IMPG2: variants seen among roughly 807,000 people sequenced by gnomAD.
IMPG2 encodes the protein interphotoreceptor matrix proteoglycan 2, also known as IPM 200.
Under a neutral mutation model 129.2 loss-of-function variants are expected in IMPG2, and 91 were observed. The ratio of observed to expected loss-of-function variants is 0.70; its 90% CI spans 0.59 to 0.84. The LOEUF is 0.84. Among genes scored for constraint, IMPG2 ranks in the 40% least tolerant of loss-of-function variants. IMPG2 has a pLI of 0.00. For synonymous variants in IMPG2, 510 were observed against 517.7 expected (o/e 0.99, Z 0.20); for missense variants, 1,430 against 1,461.7 (o/e 0.98, Z 0.35).
chr3:101,244,846 C>G, intron 12 of IMPG2, 59 bp from the exon 13 acceptor site: 1 of 1,448,146 alleles, frequency 6.9e-7, no homozygotes. Context: ...ATTCCTAGTT[C>G]TCCTAATAAA....
At position 101,229,700 on chromosome 3, in the gene IMPG2, C is replaced by A. The variant is rs780452585; in HGVS notation, c.3423-110G>T. Reference sequence around the variant, plus strand: ...TGAAGAAAAACAGGTGCACTTTACACAAATGGTGGGACATAACTGTGAAAA... The same window carrying A: ...TGAAGAAAAACAGGTGCACTTTACAAAAATGGTGGGACATAACTGTGAAAA... On this transcript the variant is annotated intron_variant, in intron 16 of 18. Coordinates refer to ENST00000193391, the MANE Select transcript of IMPG2 (RefSeq NM_016247.4). The A allele has an allele frequency of 7.7e-6, 7 of 904,264 alleles. No individual in the cohort carries two copies. In the East Asian group the frequency reaches 1.6e-4, roughly 20 times the overall value. 56.0% of individuals were successfully genotyped at this position (904,264 alleles called of 1,614,324 possible).
intron 4 of IMPG2, among the ~76,000 whole-genome samples, chr3:101,281,282 C>T (rs985404866): frequency 2.0e-5 from 3 of 151,962 alleles, no homozygotes; most frequent in African/African-American, 4.8e-5. Flanking sequence ...GAGATAAATG[C>T]GGGCTGTTTT....
chr3:101,233,558 C>T (rs1706314152), intron 14 of IMPG2, among the ~76,000 whole-genome samples: 1 of 152,118 alleles, frequency 6.6e-6, no homozygotes, highest in Admixed American at 6.5e-5. Context: ...ATAAGTCAGC[C>T]CTGCACTTCC....
intron 14 of IMPG2, among the ~76,000 whole-genome samples, chr3:101,234,201 T>G (rs1277991405): frequency 6.7e-6 from 1 of 149,440 alleles, no homozygotes; most frequent in African/African-American, 2.5e-5. Context: ...CCTAATGCAA[T>G]GATTGGTGTC....
chr3:101,299,385 A>G (rs1217356964), intron 3 of IMPG2, among the ~76,000 whole-genome samples: 1 of 152,178 alleles, frequency 6.6e-6, no homozygotes, highest in African/African-American at 2.4e-5. Flanking sequence ...TCTGAAGCCT[A>G]CTTCTGTCAA....
chr3:101,314,904 T>C (rs1354736397), intron 2 of IMPG2, among the ~76,000 whole-genome samples: 2 of 152,070 alleles, frequency 1.3e-5, no homozygotes, highest in South Asian at 4.1e-4. Context: ...ACTTTTTGAG[T>C]GCCAGCATGA....
At chr3:101,273,818 T>C in intron 6 of IMPG2, 76 bp from the exon 7 acceptor site, 1 of 1,414,470 alleles carries the variant, frequency 7.1e-7, no homozygotes, top group Non-Finnish European at 9.9e-7. Flanking sequence ...ATTGTTTCAA[T>C]GTGTCAGAAC....
chr3:101,281,617 G>A (rs1706893624), intron 4 of IMPG2, among the ~76,000 whole-genome samples: 1 of 152,178 alleles, frequency 6.6e-6, no homozygotes, highest in Non-Finnish European at 1.5e-5. Context: ...GCCTCCCAAA[G>A]AGGGCCATAT....
chr3:101,303,428 G>A (rs1707158212), intron 3 of IMPG2, among the ~76,000 whole-genome samples: 1 of 152,174 alleles, frequency 6.6e-6, no homozygotes, highest in Admixed American at 6.5e-5. Flanking sequence ...CTTCTAGGCT[G>A]AGGTTTGGTT....
At chr3:101,275,951 T>C (rs1342905694) in intron 5 of IMPG2, among the ~76,000 whole-genome samples, 6 of 152,268 alleles carry the variant, frequency 3.9e-5, no homozygotes, top group African/African-American at 1.4e-4. Context: ...TCAACAAGCA[T>C]ATATTGAGCA....
At position 101,237,129 on chromosome 3, in the gene IMPG2, AG is replaced by A. The variant is rs574166707; in HGVS notation, c.3023-4139del. On this transcript the variant is annotated intron_variant, in intron 14 of 18. Coordinates refer to ENST00000193391, the MANE Select transcript of IMPG2 (RefSeq NM_016247.4). ...ATTTGAACTGGGTGGAGCCCACCAC[AG>A]CTTAGCAAAGCCTCTGTAGCCAGAT... 1.9e-3 allele frequency among the ~76,000 whole-genome samples: 289 copies of A among 152,284 alleles called. 4 individuals carry two copies. Among genetic ancestry groups the A allele is most frequent in the Non-Finnish European group, 6.3e-4 (43 of 68,016 alleles).
intron 3 of IMPG2, among the ~76,000 whole-genome samples, chr3:101,292,323 C>T (rs1274190976): frequency 6.6e-6 from 1 of 152,110 alleles, no homozygotes; most frequent in Non-Finnish European, 1.5e-5. Context: ...AGGTTTGGTT[C>T]CAGACCAAAT....
At chr3:101,245,694 C>T in intron 12 of IMPG2, 108 bp downstream of exon 12, 4 of 1,015,986 alleles carry the variant, frequency 3.9e-6, no homozygotes, top group Non-Finnish European at 6.2e-6. Flanking sequence ...ACATTTTCCC[C>T]CTAATGAATG....
chr3:101,252,376 A>G (rs781738236), intron 11 of IMPG2, among the ~76,000 whole-genome samples: 2 of 152,180 alleles, frequency 1.3e-5, no homozygotes, highest in Non-Finnish European at 2.9e-5. Flanking sequence ...AAATATCATC[A>G]CAAAGCTCCT....
In IMPG2 at chr3:101,226,829, C is replaced by T. The variant is rs1365698782; in HGVS notation, c.*140G>A. 11 of 769,902 alleles carry T rather than the reference C, an allele frequency of 1.4e-5. No individual in the cohort carries two copies. The highest frequency in any genetic ancestry group is 2.4e-5 in the Non-Finnish European group (11 of 467,284). 47.7% of individuals were successfully genotyped at this position (769,902 alleles called of 1,614,324 possible). A position where few individuals can be genotyped will look rare whatever the true frequency, so the allele number is the denominator to read the frequency against. ...CTGAAAACTTAAGCTGAAAAAAAAACAGTGTGCCCTATATTTAATTTTTTC... is the reference window on the plus strand; with the variant it reads ...CTGAAAACTTAAGCTGAAAAAAAAATAGTGTGCCCTATATTTAATTTTTTC... On this transcript the variant is annotated 3_prime_UTR_variant, in exon 19 of 19. Coordinates refer to ENST00000193391, the MANE Select transcript of IMPG2 (RefSeq NM_016247.4).
chr3:101,237,988 G>C (rs902918701), intron 14 of IMPG2, among the ~76,000 whole-genome samples: 2 of 151,928 alleles, frequency 1.3e-5, no homozygotes, highest in African/African-American at 4.8e-5. Context: ...AAGGTTAGAC[G>C]AATCGCTAAC....
At position 101,246,136 on chromosome 3, in the gene IMPG2, T is replaced by C. The variant is rs368301599; in HGVS notation, c.1240-31A>G. ...GGGAAAAAAAGGCTAAATCATATCA[T>C]AGATAAAAGAAACATATAAAAAGTG... On this transcript the variant is annotated intron_variant, in intron 11 of 18. Coordinates refer to ENST00000193391, the MANE Select transcript of IMPG2 (RefSeq NM_016247.4). The C allele has an allele frequency of 8.7e-6, 14 of 1,604,812 alleles. No individual in the cohort carries two copies. The Admixed American group carries it at 1.2e-4, about 14-fold the overall frequency.
At chr3:101,227,721 T>A in intron 18 of IMPG2, 1 of 446,246 alleles carries the variant, frequency 2.2e-6, no homozygotes, top group Non-Finnish European at 4.5e-6. Flanking sequence ...TGGCAGCACC[T>A]CCTAGGAGCC....
At chr3:101,240,974 A>G (rs1415651174) in intron 14 of IMPG2, among the ~76,000 whole-genome samples, 1 of 152,214 alleles carries the variant, frequency 6.6e-6, no homozygotes, top group Non-Finnish European at 1.5e-5. Context: ...AAAATTTTAC[A>G]TTTCAACAGT....
Sources: gnomAD v4.1 joint callset for allele counts (sites outside exome capture counted in the v4.1 genomes callset) on GRCh38, gnomAD v4.1.1 for gene constraint, MANE v1.5 for transcripts, NCBI Gene and HGNC (gene_info 2026-07-23, HGNC 2026-07-21) for gene names.